Variants in CACNA1D observed in about 807,000 individuals in gnomAD.
The protein encoded by CACNA1D is voltage-dependent L-type calcium channel subunit alpha-1D.
Under a neutral mutation model 257.1 loss-of-function variants are expected in CACNA1D, and 55 were observed. The observed-to-expected ratio is 0.21, with a 90% CI of 0.17 to 0.27. CACNA1D has a LOEUF of 0.27. CACNA1D is among the 10% of genes least tolerant of loss of function. The pLI, the probability that CACNA1D is intolerant of heterozygous loss-of-function variation, is 1.00. For synonymous variants in CACNA1D, 980 were observed against 1,014.9 expected, an observed-to-expected ratio of 0.97 and a Z score of 0.65; for missense variants, 1,876 against 2,784.0, an observed-to-expected ratio of 0.67 and a Z score of 7.34.
At chr3:53,584,011 A>C (rs1383447756) in intron 3 of CACNA1D, among the ~76,000 whole-genome samples, 3 of 152,238 alleles carry the variant, frequency 2.0e-5, no homozygotes, top group Non-Finnish European at 4.4e-5. Context: ...TGATGAGCCA[A>C]GTCAGACAAG....
chr3:53,495,155 A>T lies in CACNA1D; in HGVS notation c.-12A>T, dbSNP rs2090291177. The T allele has an allele frequency of 1.2e-6, 2 of 1,610,780 alleles. No individual in the cohort carries two copies. The highest frequency in any genetic ancestry group is 1.7e-6 in the Non-Finnish European group (2 of 1,178,196). ...GCCCTGCACACAGTAGTCGCTCAAT[A>T]AATGTTCGTGGATGATGATGATGAT... On this transcript the variant is annotated 5_prime_UTR_variant, in exon 1 of 48. Coordinates refer to ENST00000350061, the MANE Select transcript of CACNA1D (RefSeq NM_001128840.3). The surrounding 1 kb of genome is among the most constrained non-coding windows in gnomAD (Gnocchi z 5.1).
chr3:53,758,222 A>G (rs926535909), intron 29 of CACNA1D, among the ~76,000 whole-genome samples: 4 of 152,194 alleles, frequency 2.6e-5, no homozygotes, highest in African/African-American at 9.6e-5. Context: ...GAAAGCTGTC[A>G]GGCATAGTTT....
chr3:53,772,850 C>T lies in CACNA1D; in HGVS notation c.4062C>T (p.Ala1354=). ...TCTCCCAGGCGCTCCCGTATGTGGC[C>T]CTCCTCATAGCCATGCTGTTCTTCA... The part of the protein sequence containing the change: ...IKSFQALPYV[A]LLIAMLFFIY... Residue 1354 remains alanine (A), a synonymous_variant, in exon 33 of 48, where the codon GCC becomes GCT. Transcript: ENST00000350061. The T allele has an allele frequency of 6.2e-7, 1 of 1,613,876 alleles. No individual in the cohort carries two copies. Among genetic ancestry groups the T allele is most frequent in the Non-Finnish European group, 8.5e-7 (1 of 1,179,936 alleles).
intron 4 of CACNA1D, 77 bp downstream of exon 4, chr3:53,650,995 A>G: frequency 7.6e-7 from 1 of 1,320,232 alleles, no homozygotes; most frequent in Non-Finnish European, 1.1e-6. Context: ...TGGTAACAAA[A>G]CAGTCTTTTT....
chr3:53,667,058 T>G (rs1037540191), intron 7 of CACNA1D, among the ~76,000 whole-genome samples: 3 of 152,150 alleles, frequency 2.0e-5, no homozygotes, highest in Non-Finnish European at 4.4e-5. Flanking sequence ...TGATAATATT[T>G]CCCATTCTTT....
chr3:53,806,168 C>A (rs2095564491), intron 45 of CACNA1D, among the ~76,000 whole-genome samples: 1 of 112,162 alleles, frequency 8.9e-6, no homozygotes. Flanking sequence ...TTTTCCCTCC[C>A]CCTCTCCTCC....
At chr3:53,534,644 C>G (rs1286338260) in intron 3 of CACNA1D, among the ~76,000 whole-genome samples, 1 of 152,230 alleles carries the variant, frequency 6.6e-6, no homozygotes, top group Non-Finnish European at 1.5e-5. Context: ...CCTTCCCACC[C>G]CATTCTGCCC....
intron 9 of CACNA1D, among the ~76,000 whole-genome samples, chr3:53,707,976 G>A (rs1373895430): frequency 6.6e-6 from 1 of 152,210 alleles, no homozygotes; most frequent in Non-Finnish European, 1.5e-5. Flanking sequence ...GACCACAAGG[G>A]CAGCCTCTCT....
At chr3:53,557,246 A>G (rs1036194268) in intron 3 of CACNA1D, among the ~76,000 whole-genome samples, 10 of 152,158 alleles carry the variant, frequency 6.6e-5, no homozygotes, top group African/African-American at 2.4e-4. Flanking sequence ...CTGTAATCCC[A>G]GCACTTGGGA....
intron 19 of CACNA1D, among the ~76,000 whole-genome samples, chr3:53,735,154 G>A (rs1194548359): frequency 2.0e-5 from 3 of 152,210 alleles, no homozygotes; most frequent in East Asian, 1.9e-4. Context: ...GGCACCCCCA[G>A]CACAGAGGTG....
At chr3:53,741,271 A>G (rs2095115671) in intron 21 of CACNA1D, among the ~76,000 whole-genome samples, 1 of 152,240 alleles carries the variant, frequency 6.6e-6, no homozygotes, top group Non-Finnish European at 1.5e-5. Flanking sequence ...ATCTCCTAGC[A>G]GGAAGACAAG....
chr3:53,639,436 C>G (rs2926559), intron 3 of CACNA1D, among the ~76,000 whole-genome samples: 147,685 of 151,994 alleles, frequency 0.97, 71,779 homozygotes, highest in East Asian at 1. Context: ...AACCAGGCTA[C>G]AGTGCAGTGG....
chr3:53,743,362 G>C (rs2095135706), intron 22 of CACNA1D, among the ~76,000 whole-genome samples: 1 of 152,192 alleles, frequency 6.6e-6, no homozygotes, highest in Non-Finnish European at 1.5e-5. Context: ...GCTTTCAACT[G>C]AGGTGAAAGA....
At chr3:53,698,088 T>G (rs1339737510) in intron 8 of CACNA1D, among the ~76,000 whole-genome samples, 1 of 152,214 alleles carries the variant, frequency 6.6e-6, no homozygotes, top group African/African-American at 2.4e-5. Context: ...ATACACATAC[T>G]TACATTGATA....
At chr3:53,733,460 G>A (rs541625775) in intron 19 of CACNA1D, among the ~76,000 whole-genome samples, 16 of 152,290 alleles carry the variant, frequency 1.1e-4, no homozygotes, top group Non-Finnish European at 2.4e-4. Flanking sequence ...TCCCAATTGA[G>A]TTTTATCTTT....
At chr3:53,739,551 A>G (rs983437248) in intron 20 of CACNA1D, among the ~76,000 whole-genome samples, 2 of 152,220 alleles carry the variant, frequency 1.3e-5, no homozygotes, top group African/African-American at 4.8e-5. Context: ...CAATGAGGAT[A>G]GAGTTGCCTG....
intron 3 of CACNA1D, among the ~76,000 whole-genome samples, chr3:53,586,321 C>A (rs1001789527): frequency 2.8e-5 from 3 of 105,308 alleles, no homozygotes; most frequent in Non-Finnish European, 4.0e-5. Context: ...TGTGTGTGTG[C>A]ATTCCTCCTT....
intron 40 of CACNA1D, among the ~76,000 whole-genome samples, chr3:53,798,310 T>C (rs200650186): frequency 0.018 from 2,278 of 129,554 alleles, 29 homozygotes; most frequent in Middle Eastern, 0.044. Context: ...TATGTGTGCG[T>C]GTGTGTGTGT....
intron 9 of CACNA1D, among the ~76,000 whole-genome samples, chr3:53,717,093 G>T (rs1016799461): frequency 9.2e-5 from 14 of 152,250 alleles, no homozygotes; most frequent in African/African-American, 3.1e-4. Context: ...AGCCACACGG[G>T]CAGAGCCCAT....
Sources: gnomAD v4.1 joint callset for allele counts (sites outside exome capture counted in the v4.1 genomes callset) on GRCh38, gnomAD v4.1.1 for gene constraint, Gnocchi (gnomAD v3.1) non-coding constraint, MANE v1.5 for transcripts, NCBI Gene and HGNC (gene_info 2026-07-23, HGNC 2026-07-21) for gene names.